LRRC37A2: variants seen among roughly 807,000 people sequenced by gnomAD.
LRRC37A2 encodes leucine-rich repeat-containing protein 37A2.
A neutral mutation model predicts 68.8 loss-of-function variants in LRRC37A2; 9 were observed. That is an observed-to-expected ratio of 0.13 (90% CI 0.08 to 0.23). The LOEUF is 0.23. LRRC37A2 is among the 10% of genes least tolerant of loss of function. The probability of loss-of-function intolerance (pLI) is 1.00; values close to 1 mark genes in which losing one functional copy is unlikely to be tolerated. For missense variants in LRRC37A2, 168 were observed against 950.4 expected, an observed-to-expected ratio of 0.18 and a Z score of 10.82; for synonymous variants, 63 against 367.6, an observed-to-expected ratio of 0.17 and a Z score of 9.48.
the LRRC37A2 span, among the ~76,000 whole-genome samples, chr17:46,838,848 G>C: frequency 6.6e-6 from 1 of 151,988 alleles, no homozygotes. Flanking sequence ...ATATAAAATG[G>C]TTTCCAGGGG....
At chr17:46,940,636 G>A in the LRRC37A2 span, 2 of 1,614,002 alleles carry the variant, frequency 1.2e-6, no homozygotes, top group East Asian at 2.2e-5. Context: ...TGAACTCTGG[G>A]AGGCAGAAGT....
chr17:46,938,999 GTCTC>G, the LRRC37A2 span: 2 of 1,367,992 alleles, frequency 1.5e-6, no homozygotes, highest in East Asian at 6.4e-5. Flanking sequence ...TCCCGGGTCT[GTCTC>G]TCTCACTCTC....
At chr17:46,746,536 T>A in the LRRC37A2 span, among the ~76,000 whole-genome samples, 1 of 152,228 alleles carries the variant, frequency 6.6e-6, no homozygotes, top group African/African-American at 2.4e-5. Context: ...TTCCAAGATC[T>A]GTGTATAGGT....
chr17:46,870,318 C>G, the LRRC37A2 span, among the ~76,000 whole-genome samples: 3 of 152,220 alleles, frequency 2.0e-5, no homozygotes, highest in African/African-American at 7.2e-5. Context: ...GGAAGCCAGT[C>G]AAGGCGTGGC....
the LRRC37A2 span, among the ~76,000 whole-genome samples, chr17:46,489,313 T>G: frequency 3.2e-5 from 3 of 93,096 alleles, 1 homozygote; most frequent in African/African-American, 1.2e-4. Context: ...GATTTTTGTA[T>G]TTTTAGTAGA....
At chr17:46,828,861 C>T in the LRRC37A2 span, among the ~76,000 whole-genome samples, 1 of 150,612 alleles carries the variant, frequency 6.6e-6, no homozygotes, top group East Asian at 2.0e-4. Context: ...ACTCAGGAGG[C>T]TGAGGCTGGA....
At chr17:46,838,640 T>G in the LRRC37A2 span, among the ~76,000 whole-genome samples, 3 of 151,912 alleles carry the variant, frequency 2.0e-5, no homozygotes, top group Non-Finnish European at 4.4e-5. Context: ...ATAAATTAAT[T>G]AATTTTAAAA....
At chr17:46,773,830 T>G in the LRRC37A2 span, 19 of 1,613,320 alleles carry the variant, frequency 1.2e-5, no homozygotes, top group Non-Finnish European at 1.2e-5. Context: ...CGCAGTTGCT[T>G]GGGGACCAGG....
At chr17:46,747,992 G>GAAAGTT in the LRRC37A2 span, among the ~76,000 whole-genome samples, 1 of 152,162 alleles carries the variant, frequency 6.6e-6, no homozygotes, top group Non-Finnish European at 1.5e-5. Flanking sequence ...AAAAGATTCT[G>GAAAGTT]AAAGTTTTGT....
At chr17:46,569,522 T>C in the LRRC37A2 span, among the ~76,000 whole-genome samples, 1 of 137,214 alleles carries the variant, frequency 7.3e-6, no homozygotes, top group Non-Finnish European at 1.5e-5. Context: ...GATTTTCCAC[T>C]AAAAAAGTTA....
At chr17:46,988,220 C>G in the LRRC37A2 span, among the ~76,000 whole-genome samples, 6 of 152,130 alleles carry the variant, frequency 3.9e-5, no homozygotes, top group South Asian at 4.1e-4. Flanking sequence ...GTGCAAGAAG[C>G]CAGACTCAAA....
chr17:46,998,071 T>A, the LRRC37A2 span, among the ~76,000 whole-genome samples: 1 of 152,092 alleles, frequency 6.6e-6, no homozygotes, highest in Non-Finnish European at 1.5e-5. Context: ...ATTGTGTGCA[T>A]CTTATTTGGA....
At chr17:46,917,014 A>G in the LRRC37A2 span, among the ~76,000 whole-genome samples, 1 of 152,212 alleles carries the variant, frequency 6.6e-6, no homozygotes, top group Admixed American at 6.5e-5. Context: ...ACCTTTCAGT[A>G]CTGCCACAAT....
At chr17:46,822,062 G>A in the LRRC37A2 span, among the ~76,000 whole-genome samples, 1 of 152,252 alleles carries the variant, frequency 6.6e-6, no homozygotes, top group African/African-American at 2.4e-5. Flanking sequence ...GAGAGGCGAA[G>A]CCGTTGCAGC....
the LRRC37A2 span, among the ~76,000 whole-genome samples, chr17:46,987,908 A>G: frequency 6.6e-6 from 1 of 152,256 alleles, no homozygotes; most frequent in Non-Finnish European, 1.5e-5. Flanking sequence ...GCTGTGGCTC[A>G]TGCCTGTAAT....
At chr17:46,726,996 C>A in the LRRC37A2 span, among the ~76,000 whole-genome samples, 3 of 152,104 alleles carry the variant, frequency 2.0e-5, no homozygotes, top group Non-Finnish European at 1.5e-5. Context: ...GGTTTAGGAT[C>A]ACAGAGAAAT....
chr17:46,966,637 C>T, the LRRC37A2 span: 7 of 635,474 alleles, frequency 1.1e-5, no homozygotes, highest in Non-Finnish European at 2.0e-5. Context: ...GTATGAGCCA[C>T]CACCCTGACC....
the LRRC37A2 span, among the ~76,000 whole-genome samples, chr17:46,729,798 TTA>T: frequency 6.6e-6 from 1 of 152,190 alleles, no homozygotes; most frequent in Non-Finnish European, 1.5e-5. Flanking sequence ...AATTTAACAG[TTA>T]TATATGTGCG....
chr17:46,946,033 A>C, the LRRC37A2 span, among the ~76,000 whole-genome samples: 1 of 152,084 alleles, frequency 6.6e-6, no homozygotes, highest in Non-Finnish European at 1.5e-5. Context: ...AGACCCTTGG[A>C]AGGCGGGGCC....
Sources: gnomAD v4.1 joint callset for allele counts (sites outside exome capture counted in the v4.1 genomes callset) on GRCh38, gnomAD v4.1.1 for gene constraint, MANE v1.5 for transcripts, NCBI Gene and HGNC (gene_info 2026-07-23, HGNC 2026-07-21) for gene names.